Variants in PYGL observed in about 807,000 individuals in gnomAD.
PYGL encodes the protein glycogen phosphorylase L, also known as glycogen phosphorylase, liver form.
PYGL carries 90 observed loss-of-function variants against 100.1 expected under a neutral mutation model. That is an observed-to-expected ratio of 0.90 (90% confidence interval 0.76 to 1.07). PYGL has a LOEUF of 1.07. Among genes scored for constraint, PYGL ranks in the 50% least tolerant of loss-of-function variants. The pLI is 0.00. For missense variants in PYGL, 1,016 were observed against 1,057.6 expected (o/e 0.96, Z 0.55); for synonymous variants, 373 against 393.0 (o/e 0.95, Z 0.60).
chr14:50,911,582 A>G, intron 16 of PYGL, 148 bp downstream of exon 16: 1 of 1,034,122 alleles, frequency 9.7e-7, no homozygotes, highest in Admixed American at 2.0e-5. Context: ...TCACTTTAAA[A>G]CCTCTTACCG....
At chr14:50,920,819 C>A in intron 6 of PYGL, 137 bp downstream of exon 6, 1 of 1,031,618 alleles carries the variant, frequency 9.7e-7, no homozygotes, top group Non-Finnish European at 1.5e-6. Flanking sequence ...TTCCTCCATA[C>A]AATGCCTGCT....
intron 19 of PYGL, among the ~76,000 whole-genome samples, chr14:50,906,482 C>T (rs2050337758): frequency 6.6e-6 from 1 of 152,166 alleles, no homozygotes; most frequent in African/African-American, 2.4e-5. Context: ...GTCATGTTTA[C>T]TAAGTCTCAA....
At chr14:50,909,776 C>T (rs1034119899) in intron 17 of PYGL, 119 bp downstream of exon 17, 2 of 1,140,506 alleles carry the variant, frequency 1.8e-6, no homozygotes, top group Non-Finnish European at 2.7e-6. Flanking sequence ...GTTCTGCTGC[C>T]ACCTCTTATG....
rs375798542 is a variant in PYGL at position 50,915,938 on chromosome 14, T to C, written c.1126A>G (p.Thr376Ala). 1.2e-6 allele frequency: 2 copies of C among 1,614,240 alleles called. No individual in the cohort carries two copies. The highest frequency in any genetic ancestry group is 1.7e-6 in the Non-Finnish European group (2 of 1,180,048). The change falls in exon 10 of 20, where the codon ACC becomes GCC. Residue 376 changes from threonine to alanine, a missense_variant. Coordinates refer to ENST00000216392, the MANE Select transcript of PYGL (RefSeq NM_002863.5). ...GCTTCCGGGAGCACTGTGTGGTTGGTGTAGGCGAAGGTCTTCTGGGTGAGC... is the reference window on the plus strand; with the variant it reads ...GCTTCCGGGAGCACTGTGTGGTTGGCGTAGGCGAAGGTCTTCTGGGTGAGC... Reference protein sequence around the residue: ...WELTQKTFAYTNHTVLPEALE... With the variant: ...WELTQKTFAYANHTVLPEALE...
chr14:50,915,350 G>A lies in PYGL; in HGVS notation c.1389C>T (p.Ile463=), dbSNP rs199688614. The A allele has an allele frequency of 1.2e-5, 19 of 1,614,006 alleles. No homozygotes were observed. The highest frequency in any genetic ancestry group is 1.7e-5 in the Admixed American group (1 of 59,996). The change falls in exon 11 of 20, where the codon ATC becomes ATT. Residue 463 remains isoleucine, a synonymous_variant. Transcript: ENST00000216392. ...TGGAGGCTCACACTTTAGTCTTCAC[G>A]ATGTCTGAGTGGATTTTAGCCACGC... ...VNGVAKIHSD[I]VKTKVFKDFS...
Position 50,908,973 on chromosome 14 carries a change from G to A in PYGL, c.2178-18C>T. 1 of 1,550,858 alleles carries A rather than the reference G, an allele frequency of 6.4e-7. No homozygotes were observed. The highest frequency in any genetic ancestry group is 8.8e-7 in the Non-Finnish European group (1 of 1,140,428). ...CCTCGTACCTGTGGGGTAGGGGTGG[G>A]TGGGTGATAAAAAAAGGCTCTGTTA... On this transcript the variant is annotated intron_variant, in intron 17 of 19. Coordinates refer to ENST00000216392, the MANE Select transcript of PYGL (RefSeq NM_002863.5).
intron 9 of PYGL, among the ~76,000 whole-genome samples, chr14:50,916,384 A>G (rs779848438): frequency 2.0e-5 from 3 of 152,198 alleles, no homozygotes; most frequent in Non-Finnish European, 4.4e-5. Context: ...TTTTCAACAC[A>G]AAAATGGTAA....
chr14:50,915,647 G>A, intron 10 of PYGL, 148 bp from the exon 11 acceptor site: 1 of 1,351,986 alleles, frequency 7.4e-7, no homozygotes, highest in Non-Finnish European at 1.0e-6. Flanking sequence ...CTATGGAGGT[G>A]CCATCCCTCC....
intron 7 of PYGL, among the ~76,000 whole-genome samples, chr14:50,919,187 G>A (rs2050479248): frequency 6.6e-6 from 1 of 152,170 alleles, no homozygotes; most frequent in Admixed American, 6.5e-5. Context: ...GGTCCTTACT[G>A]AAGACAGGAG....
At position 50,921,247 on chromosome 14, in the gene PYGL, G is replaced by A. The variant is rs2050498531; in HGVS notation, c.661-180C>T. The A allele has an allele frequency of 1.2e-5, 7 of 601,836 alleles. No homozygotes were observed. The South Asian group carries it at 1.3e-4, about 12-fold the overall frequency. 37.3% of individuals were successfully genotyped at this position (601,836 alleles called of 1,614,324 possible). ...GCAGAGGGTATTAGAGGAACATGTG[G>A]TTCCTCCCCGACCTGGTACAATCTA... On this transcript the variant is annotated intron_variant, in intron 5 of 19. Coordinates refer to ENST00000216392, the MANE Select transcript of PYGL (RefSeq NM_002863.5).
intron 6 of PYGL, 30 bp from the exon 7 acceptor site, chr14:50,920,653 G>A (rs369187868): frequency 6.4e-7 from 1 of 1,564,820 alleles, no homozygotes; most frequent in Admixed American, 1.7e-5. Flanking sequence ...ACAATAAATA[G>A]AGAAACCAGC....
chr14:50,917,252 T>C (rs2050461786), intron 7 of PYGL, 147 bp from the exon 8 acceptor site: 1 of 892,930 alleles, frequency 1.1e-6, no homozygotes, highest in Admixed American at 1.9e-5. Context: ...ACTGTGAGCC[T>C]TTGCTCTTTC....
In PYGL at chr14:50,909,991, T is replaced by A. The variant is rs1452821947; in HGVS notation, c.2081A>T (p.Asp694Val). Residue 694 changes from aspartate to valine, a missense_variant, in exon 17 of 20, where the codon GAT (aspartate) becomes GTT (valine). Transcript: ENST00000216392. ...LNGALTIGTM[D>V]GANVEMAEEA... ...TTCTGCCATTTCCACATTGGCCCCA[T>A]CCATGGTCCCGATAGTTAGGGCCCC... 1 of 1,614,080 alleles carries A rather than the reference T, an allele frequency of 6.2e-7. No individual in the cohort carries two copies. The highest frequency in any genetic ancestry group is 1.3e-5 in the African/African-American group (1 of 74,926).
chr14:50,935,283 T>A, intron 2 of PYGL, 98 bp from the exon 3 acceptor site: 3 of 998,810 alleles, frequency 3.0e-6, no homozygotes, highest in Non-Finnish European at 4.7e-6. Context: ...GTATTCAGGT[T>A]TAGCTGTGTA....
At chr14:50,928,627 A>G (rs1029059316) in intron 4 of PYGL, among the ~76,000 whole-genome samples, 13 of 147,828 alleles carry the variant, frequency 8.8e-5, no homozygotes, top group African/African-American at 3.0e-4. Context: ...TAAATATAGA[A>G]TTTTAGCAAC....
At position 50,944,355 on chromosome 14, in the gene PYGL, G is replaced by T; in HGVS notation, c.49C>A (p.Arg17Ser). Residue 17 changes from arginine (R) to serine (S), a missense_variant, in exon 1 of 20, where the codon CGC becomes AGC. Coordinates refer to ENST00000216392, the MANE Select transcript of PYGL (RefSeq NM_002863.5). Reference sequence around the variant, plus strand: ...ACGTTCTCCACGCCCACGATGCCGCGGATGCTGATCTGCCGCCGCTTCTCC... The same window carrying T: ...ACGTTCTCCACGCCCACGATGCCGCTGATGCTGATCTGCCGCCGCTTCTCC... Reference protein sequence around the residue: ...DQEKRRQISIRGIVGVENVAE... With the variant: ...DQEKRRQISISGIVGVENVAE... The T allele has an allele frequency of 5.0e-6, 8 of 1,613,722 alleles. No individual in the cohort carries two copies. Among genetic ancestry groups the T allele is most frequent in the Non-Finnish European group, 6.8e-6 (8 of 1,179,846 alleles).
intron 1 of PYGL, among the ~76,000 whole-genome samples, chr14:50,943,608 T>A (rs973629357): frequency 6.6e-6 from 1 of 152,224 alleles, no homozygotes; most frequent in Non-Finnish European, 1.5e-5. Flanking sequence ...GCTCTACGCT[T>A]GGAGCGGGAC....
At position 50,911,975 on chromosome 14, in the gene PYGL, T is replaced by C. The variant is rs2050403368; in HGVS notation, c.1827+3A>G. 1 of 1,613,646 alleles carries C rather than the reference T, an allele frequency of 6.2e-7. No individual in the cohort carries two copies. The highest frequency in any genetic ancestry group is 1.3e-5 in the African/African-American group (1 of 75,032). ...AAGTCCCCATTGAATAGATTCAACT[T>C]ACTTTACCACCAATGATAACTGTCC... On this transcript the variant is annotated splice_donor_region_variant and intron_variant, in intron 15 of 19. Coordinates refer to ENST00000216392, the MANE Select transcript of PYGL (RefSeq NM_002863.5).
In PYGL at chr14:50,923,956, G is replaced by A; in HGVS notation, c.660+13C>T. The A allele has an allele frequency of 6.2e-7, 1 of 1,612,526 alleles. No individual in the cohort carries two copies. Among genetic ancestry groups the A allele is most frequent in the African/African-American group, 1.3e-5 (1 of 74,982 alleles). On this transcript the variant is annotated intron_variant, in intron 5 of 19. Transcript: ENST00000216392. ...ACTATACAAAACGCTGGCTATACGA[G>A]CACTCTGAATACTTGAGTGTCAATC...
Sources: gnomAD v4.1 joint callset for allele counts (sites outside exome capture counted in the v4.1 genomes callset) on GRCh38, gnomAD v4.1.1 for gene constraint, MANE v1.5 for transcripts, NCBI Gene and HGNC (gene_info 2026-07-23, HGNC 2026-07-21) for gene names.